Variants in PARD3B observed in about 807,000 individuals in gnomAD.
PARD3B encodes the protein partitioning defective 3 homolog B.
A neutral mutation model predicts 130.2 loss-of-function variants in PARD3B; 103 were observed. The ratio of observed to expected loss-of-function variants is 0.79; its 90% CI spans 0.67 to 0.93. The LOEUF is 0.93. Ranked by LOEUF, PARD3B falls within the 40% of genes least tolerant of loss-of-function variation. The pLI, the probability that PARD3B is intolerant of heterozygous loss-of-function variation, is 0.00. For synonymous variants in PARD3B, 583 were observed against 553.2 expected (o/e 1.05, Z -0.76); for missense variants, 1,609 against 1,499.2 (o/e 1.07, Z -1.21).
At chr2:204,648,542 TATAA>T (rs992343014) in intron 1 of PARD3B, among the ~76,000 whole-genome samples, 19 of 138,314 alleles carry the variant, frequency 1.4e-4, no homozygotes, top group Non-Finnish European at 2.6e-4. Flanking sequence ...AGCTTTAATA[TATAA>T]AGCTTTAAAA....
chr2:204,997,432 G>C (rs1247239707), intron 3 of PARD3B, among the ~76,000 whole-genome samples: 2 of 152,114 alleles, frequency 1.3e-5, no homozygotes, highest in African/African-American at 4.8e-5. Context: ...TTCAGTAAGG[G>C]TTGATGATCT....
Position 205,058,866 on chromosome 2 carries a change from A to G in PARD3B, c.504+11176A>G, listed in dbSNP as rs78389793. ...ACTCCTTATCAGATATATGATTTGA[A>G]AATATTTTTCTCTTTCTTTACATTG... On this transcript the variant is annotated intron_variant, in intron 4 of 22. Transcript: ENST00000406610. Among the ~76,000 whole-genome samples the G allele has an allele frequency of 8.5e-3, 1,289 of 151,976 alleles. 42 individuals are homozygous for G. In the East Asian group the frequency reaches 0.1, roughly 12 times the overall value.
At chr2:205,043,463 A>G (rs1279699177) in intron 3 of PARD3B, among the ~76,000 whole-genome samples, 1 of 152,162 alleles carries the variant, frequency 6.6e-6, no homozygotes, top group Non-Finnish European at 1.5e-5. Context: ...TGCAAGTTCA[A>G]TGCCACAGAG....
In PARD3B at chr2:205,461,580, A is replaced by G. The variant is rs1244667546; in HGVS notation, c.3044+20908A>G. Among the ~76,000 whole-genome samples the G allele has an allele frequency of 6.6e-6, 1 of 152,162 alleles. No individual in the cohort carries two copies. The highest frequency in any genetic ancestry group is 1.5e-5 in the Non-Finnish European group (1 of 68,030). The stretch of plus-strand genomic sequence containing the variant: ...ACCTATTTCCCTATCACTTATTTTC[A>G]GGGCTATGAGGTGCCTTATTAATGT... On this transcript the variant is annotated intron_variant, in intron 20 of 22. Coordinates refer to ENST00000406610, the MANE Select transcript of PARD3B (RefSeq NM_001302769.2). The surrounding 1 kb of genome is among the most constrained non-coding windows in gnomAD (Gnocchi z 4.3).
chr2:205,018,773 C>T (rs935102296), intron 3 of PARD3B, among the ~76,000 whole-genome samples: 8 of 95,640 alleles, frequency 8.4e-5, no homozygotes, highest in African/African-American at 3.2e-4. Context: ...ATAAAATATG[C>T]TTTTTGTTTC....
chr2:205,471,719 C>A (rs116088977), intron 20 of PARD3B, among the ~76,000 whole-genome samples: 1 of 152,280 alleles, frequency 6.6e-6, no homozygotes, highest in African/African-American at 2.4e-5. Flanking sequence ...CTAGAAAATA[C>A]CTTGGCCATT....
intron 13 of PARD3B, among the ~76,000 whole-genome samples, chr2:205,185,262 TTGTG>T (rs141373746): frequency 6.7e-6 from 1 of 150,044 alleles, no homozygotes; most frequent in Non-Finnish European, 1.5e-5. Context: ...GTTTGTGTGT[TTGTG>T]TGTGTGTGTG....
intron 2 of PARD3B, among the ~76,000 whole-genome samples, chr2:204,849,673 C>G (rs2044628562): frequency 6.6e-6 from 1 of 152,166 alleles, no homozygotes; most frequent in Admixed American, 6.6e-5. Context: ...TGACACGTTA[C>G]TTAGCATTTA....
At chr2:204,904,496 G>A (rs754964317) in intron 2 of PARD3B, among the ~76,000 whole-genome samples, 10 of 151,964 alleles carry the variant, frequency 6.6e-5, no homozygotes, top group Admixed American at 3.3e-4. Flanking sequence ...TGCATCCATC[G>A]TCTACCCTTC....
chr2:205,200,291 C>A (rs957735345), intron 15 of PARD3B, among the ~76,000 whole-genome samples: 4 of 152,086 alleles, frequency 2.6e-5, no homozygotes, highest in Admixed American at 1.3e-4. Context: ...TAAAACTCAA[C>A]AGAATTTGAT....
intron 18 of PARD3B, among the ~76,000 whole-genome samples, chr2:205,302,274 G>A (rs1394430152): frequency 6.6e-6 from 1 of 151,632 alleles, no homozygotes; most frequent in Non-Finnish European, 1.5e-5. Flanking sequence ...CGCCATGTGG[G>A]CCAGGAGTCT....
At chr2:205,045,234 C>CATTATTATTACT (rs999261273) in intron 3 of PARD3B, among the ~76,000 whole-genome samples, 1 of 149,554 alleles carries the variant, frequency 6.7e-6, no homozygotes, top group African/African-American at 2.5e-5. Flanking sequence ...GAATACTTAT[C>CATTATTATTACT]ATTATTATTA....
At chr2:205,537,993 G>T (rs2051940063) in intron 21 of PARD3B, among the ~76,000 whole-genome samples, 2 of 152,118 alleles carry the variant, frequency 1.3e-5, no homozygotes, top group South Asian at 4.1e-4. Flanking sequence ...TTCTCTGCTT[G>T]CCTATGTTAT....
At chr2:205,416,689 C>A (rs1230802302) in intron 19 of PARD3B, among the ~76,000 whole-genome samples, 2 of 151,922 alleles carry the variant, frequency 1.3e-5, no homozygotes, top group East Asian at 3.9e-4. Flanking sequence ...TAAACTATGC[C>A]CCTTTATGGA....
At chr2:204,651,180 T>C (rs2035464303) in intron 1 of PARD3B, among the ~76,000 whole-genome samples, 1 of 152,198 alleles carries the variant, frequency 6.6e-6, no homozygotes, top group African/African-American at 2.4e-5. Context: ...TCTTAACTCA[T>C]TCTAGCATTA....
intron 15 of PARD3B, among the ~76,000 whole-genome samples, chr2:205,223,487 G>A (rs10182802): frequency 0.24 from 37,158 of 152,014 alleles, 5,186 homozygotes; most frequent in East Asian, 0.38. Context: ...AAGACCTGAC[G>A]GCTGACTGGC....
chr2:205,219,809 A>G (rs939853695), intron 15 of PARD3B, among the ~76,000 whole-genome samples: 11 of 152,198 alleles, frequency 7.2e-5, no homozygotes, highest in Admixed American at 6.5e-5. Flanking sequence ...GAATGATCAG[A>G]AAATGTTTTC....
intron 20 of PARD3B, among the ~76,000 whole-genome samples, chr2:205,464,357 T>C (rs2048552527): frequency 6.6e-6 from 1 of 152,152 alleles, no homozygotes; most frequent in South Asian, 2.1e-4. Flanking sequence ...TTAAATTCCT[T>C]TCCATCCATC....
chr2:204,833,760 T>C (rs2043922275), intron 2 of PARD3B, among the ~76,000 whole-genome samples: 1 of 152,156 alleles, frequency 6.6e-6, no homozygotes, highest in Admixed American at 6.5e-5. Context: ...ATTAGATCTC[T>C]TTTTCTTTAT....
Sources: allele counts gnomAD v4.1 joint callset (sites outside exome capture counted in the v4.1 genomes callset), GRCh38; gene constraint gnomAD v4.1.1; non-coding constraint Gnocchi (gnomAD v3.1); transcripts MANE v1.5; gene names NCBI Gene and HGNC (gene_info 2026-07-23, HGNC 2026-07-21).